PRDM16: variants seen among roughly 807,000 people sequenced by gnomAD.
PRDM16 encodes the protein histone-lysine N-methyltransferase PRDM16.
A neutral mutation model predicts 110.6 loss-of-function variants in PRDM16; 23 were observed. The ratio of observed to expected loss-of-function variants is 0.21; its 90% CI spans 0.15 to 0.29. PRDM16 has a LOEUF of 0.29. Among genes scored for constraint, PRDM16 ranks in the 10% least tolerant of loss-of-function variants. The probability of loss-of-function intolerance (pLI) is 1.00; values close to 1 mark genes in which losing one functional copy is unlikely to be tolerated. For synonymous variants in PRDM16, 799 were observed against 781.8 expected (o/e 1.02, Z -0.37); for missense variants, 1,615 against 1,794.3 (o/e 0.90, Z 1.81).
chr1:3,408,978 C>G (rs1187662972), intron 8 of PRDM16, among the ~76,000 whole-genome samples: 1 of 138,062 alleles, frequency 7.2e-6, no homozygotes, highest in Non-Finnish European at 1.5e-5. Context: ...TGTGTTGGCA[C>G]GTGTGAGAGC....
chr1:3,234,098 G>A (rs1021907281), intron 2 of PRDM16, among the ~76,000 whole-genome samples: 7 of 152,278 alleles, frequency 4.6e-5, no homozygotes, highest in Middle Eastern at 3.4e-3. Context: ...GTCGGTCCCG[G>A]TGTCCTGGGA....
intron 2 of PRDM16, among the ~76,000 whole-genome samples, chr1:3,196,623 T>A (rs953720943): frequency 6.6e-6 from 1 of 152,178 alleles, no homozygotes; most frequent in African/African-American, 2.4e-5. Flanking sequence ...CTGACCCAGA[T>A]GGTCAGCCTG....
intron 2 of PRDM16, among the ~76,000 whole-genome samples, chr1:3,204,971 G>A (rs1250631975): frequency 6.6e-6 from 1 of 152,178 alleles, no homozygotes; most frequent in Non-Finnish European, 1.5e-5. Flanking sequence ...TATCGAATTA[G>A]TTGAAGTCAG....
chr1:3,127,485 C>T (rs1324587626), intron 1 of PRDM16, among the ~76,000 whole-genome samples: 1 of 152,172 alleles, frequency 6.6e-6, no homozygotes, highest in Non-Finnish European at 1.5e-5. Flanking sequence ...GAAAGCAAAC[C>T]AGTTACCAGC....
rs531243589 is a variant in PRDM16 at position 3,082,583 on chromosome 1, C to T, written c.37+13287C>T. On this transcript the variant is annotated intron_variant, in intron 1 of 16. Coordinates refer to ENST00000270722, the MANE Select transcript of PRDM16 (RefSeq NM_022114.4). ...TGGGGGTGCAGCTCCGAGGGTCACTCCTGGACTCCCTTGCTGGCATCCATG... is the reference window on the plus strand; with the variant it reads ...TGGGGGTGCAGCTCCGAGGGTCACTTCTGGACTCCCTTGCTGGCATCCATG... Among the ~76,000 whole-genome samples the T allele has an allele frequency of 4.9e-4, 75 of 152,360 alleles. 1 individual carries two copies. Among genetic ancestry groups the T allele is most frequent in the Admixed American group, 1.4e-3 (21 of 15,308 alleles).
Position 3,350,846 on chromosome 1 carries a change from C to T in PRDM16, c.439-34306C>T, listed in dbSNP as rs548825442. 2.0e-5 allele frequency among the ~76,000 whole-genome samples: 3 copies of T among 152,258 alleles called. No homozygotes were observed. Among genetic ancestry groups the T allele is most frequent in the South Asian group, 4.1e-4 (2 of 4,830 alleles). Reference sequence around the variant, plus strand: ...GGCCAGGTGGGTGGGGCCCAGCCAGCGCCAGGCACTTCTGGCTGGGGGATA... The same window carrying T: ...GGCCAGGTGGGTGGGGCCCAGCCAGTGCCAGGCACTTCTGGCTGGGGGATA... On this transcript the variant is annotated intron_variant, in intron 3 of 16. Transcript: ENST00000270722. The surrounding 1 kb of genome is among the most constrained non-coding windows in gnomAD (Gnocchi z 7.1).
chr1:3,137,749 G>A (rs1336060363), intron 1 of PRDM16, among the ~76,000 whole-genome samples: 1 of 152,262 alleles, frequency 6.6e-6, no homozygotes, highest in African/African-American at 2.4e-5. Flanking sequence ...GCTCTTCGCA[G>A]AGTGCCTTTC....
chr1:3,405,174 G>T (rs1057044037), intron 7 of PRDM16, among the ~76,000 whole-genome samples: 1 of 152,194 alleles, frequency 6.6e-6, no homozygotes, highest in African/African-American at 2.4e-5. Flanking sequence ...GAGGCTGGCG[G>T]GGCTGAGCCG....
At chr1:3,291,296 C>T (rs1024394731) in intron 3 of PRDM16, among the ~76,000 whole-genome samples, 18 of 152,184 alleles carry the variant, frequency 1.2e-4, no homozygotes, top group South Asian at 2.1e-4. Flanking sequence ...GGGCATCACA[C>T]ACACCTGCGC....
chr1:3,139,346 G>T (rs1643501678), intron 1 of PRDM16, among the ~76,000 whole-genome samples: 1 of 152,238 alleles, frequency 6.6e-6, no homozygotes, highest in Non-Finnish European at 1.5e-5. Context: ...GGCTGGGGCT[G>T]CCCTTTGGGA....
intron 1 of PRDM16, among the ~76,000 whole-genome samples, chr1:3,114,771 G>A (rs1024138585): frequency 3.9e-5 from 6 of 152,238 alleles, no homozygotes; most frequent in South Asian, 2.1e-4. Flanking sequence ...GAGCTCCTGC[G>A]CTTCACCAAA....
At chr1:3,387,140 T>G (rs986888623) in intron 4 of PRDM16, among the ~76,000 whole-genome samples, 19 of 152,318 alleles carry the variant, frequency 1.2e-4, no homozygotes, top group African/African-American at 4.6e-4. Flanking sequence ...TTTGCCAGGA[T>G]GGAAGAATGA....
intron 2 of PRDM16, among the ~76,000 whole-genome samples, chr1:3,202,234 G>A (rs537231242): frequency 3.3e-5 from 5 of 152,316 alleles, no homozygotes; most frequent in South Asian, 2.1e-4. Context: ...AACAGCACAC[G>A]GTGCTGCTGA....
chr1:3,263,739 G>A (rs1433508910), intron 3 of PRDM16, among the ~76,000 whole-genome samples: 1 of 152,276 alleles, frequency 6.6e-6, no homozygotes, highest in African/African-American at 2.4e-5. Flanking sequence ...TGGACGGCAA[G>A]ATGGATACCA....
At chr1:3,401,691 A>T (rs754502572) in intron 5 of PRDM16, among the ~76,000 whole-genome samples, 1 of 152,224 alleles carries the variant, frequency 6.6e-6, no homozygotes, top group Non-Finnish European at 1.5e-5. Flanking sequence ...ATAGCCACCC[A>T]TGCGCACGAA....
rs1043294727 is a variant in PRDM16 at position 3,437,422 on chromosome 1, G to A, written c.*3611G>A. The A allele has an allele frequency of 8.2e-5, 19 of 231,320 alleles. No individual in the cohort carries two copies. Among genetic ancestry groups the A allele is most frequent in the East Asian group, 6.7e-4 (11 of 16,358 alleles). 14.3% of individuals were successfully genotyped at this position (231,320 alleles called of 1,614,324 possible). A position where few individuals can be genotyped will look rare whatever the true frequency, so the allele number is the denominator to read the frequency against. On this transcript the variant is annotated 3_prime_UTR_variant, in exon 17 of 17. Transcript: ENST00000270722. The stretch of plus-strand genomic sequence containing the variant: ...TGTGGTCCCCTGCCCCCTCTGTCCC[G>A]TCCCCCTGCCCAAGTGACTGAAACC...
rs552525263 is a variant in PRDM16, at chr1:3,434,561, C to G, written c.*750C>G. 3 of 231,840 alleles carry G rather than the reference C, an allele frequency of 1.3e-5. No homozygotes were observed. The highest frequency in any genetic ancestry group is 2.6e-5 in the Non-Finnish European group (3 of 117,118). 14.4% of individuals were successfully genotyped at this position (231,840 alleles called of 1,614,324 possible). On this transcript the variant is annotated 3_prime_UTR_variant, in exon 17 of 17. Transcript: ENST00000270722. ...CACACCCGTGAACCATGCAGACGGCCGAAGAAGTCTTAGGCAGGGCGCCCT... is the reference window on the plus strand; with the variant it reads ...CACACCCGTGAACCATGCAGACGGCGGAAGAAGTCTTAGGCAGGGCGCCCT...
chr1:3,234,528 G>A (rs1256542284), intron 2 of PRDM16, among the ~76,000 whole-genome samples: 1 of 152,198 alleles, frequency 6.6e-6, no homozygotes, highest in Non-Finnish European at 1.5e-5. Flanking sequence ...GGTCCAGCAA[G>A]AGGCCCTGAG....
intron 3 of PRDM16, among the ~76,000 whole-genome samples, chr1:3,275,089 T>C (rs1436066117): frequency 6.6e-6 from 1 of 152,208 alleles, no homozygotes; most frequent in East Asian, 1.9e-4. Flanking sequence ...GGCAGAGCCA[T>C]TCTGGACGCT....
Sources: allele counts gnomAD v4.1 joint callset (sites outside exome capture counted in the v4.1 genomes callset), GRCh38; gene constraint gnomAD v4.1.1; non-coding constraint Gnocchi (gnomAD v3.1); transcripts MANE v1.5; gene names NCBI Gene and HGNC (gene_info 2026-07-23, HGNC 2026-07-21).